OTOG: variants seen among roughly 807,000 people sequenced by gnomAD.
The protein encoded by OTOG is otogelin.
Under a neutral mutation model 313.8 loss-of-function variants are expected in OTOG, and 296 were observed. That is an observed-to-expected ratio of 0.94 (90% CI 0.86 to 1.04). The LOEUF (loss-of-function observed/expected upper bound fraction) is 1.04. Among genes scored for constraint, OTOG ranks in the 50% least tolerant of loss-of-function variants. OTOG has a pLI of 0.00. For synonymous variants in OTOG, 1,533 were observed against 1,554.9 expected (o/e 0.99, Z 0.33); for missense variants, 3,948 against 3,840.1 (o/e 1.03, Z -0.74).
chr11:17,634,049 C>A lies in OTOG; in HGVS notation c.7268-20C>A. On this transcript the variant is annotated intron_variant, in intron 43 of 55. Coordinates refer to ENST00000399397, the MANE Select transcript of OTOG (RefSeq NM_001292063.2). The stretch of plus-strand genomic sequence containing the variant: ...GCTCACCTTCCTCAGTCCCTCGCAC[C>A]CTGCCATTCCCCTCTGCAGCCTGCA... 1 of 1,537,016 alleles carries A rather than the reference C, an allele frequency of 6.5e-7. No individual in the cohort carries two copies. The highest frequency in any genetic ancestry group is 1.2e-5 in the South Asian group (1 of 83,816).
rs141458882 is a variant in OTOG at position 17,574,253 on chromosome 11, G to A, written c.2294-467G>A. ...ACAAAGGGAGCAAAACAGGCTGCTA[G>A]AGGGAGCACAGTTGATATCCACAAC... On this transcript the variant is annotated intron_variant, in intron 19 of 55. Coordinates refer to ENST00000399397, the MANE Select transcript of OTOG (RefSeq NM_001292063.2). Among the ~76,000 whole-genome samples, 345 of 152,346 alleles carry A rather than the reference G, an allele frequency of 2.3e-3. 1 individual carries two copies. The highest frequency in any genetic ancestry group is 7.2e-3 in the African/African-American group (298 of 41,584).
In OTOG at chr11:17,548,139, G is replaced by T. The variant is rs749974438; in HGVS notation, c.156-13G>T. 3 of 1,545,698 alleles carry T rather than the reference G, an allele frequency of 1.9e-6. No individual in the cohort carries two copies. The highest frequency in any genetic ancestry group is 2.6e-6 in the Non-Finnish European group (3 of 1,144,102). ...CTAGCCCCCCATCCATGCCAGACTC[G>T]TGTTTCCTCCAGCAGCAGCCACCAG... On this transcript the variant is annotated splice_polypyrimidine_tract_variant and intron_variant, in intron 2 of 55. Transcript: ENST00000399397.
At position 17,576,650 on chromosome 11, in the gene OTOG, G is replaced by A; in HGVS notation, c.2561+20G>A. On this transcript the variant is annotated intron_variant, in intron 21 of 55. Coordinates refer to ENST00000399397, the MANE Select transcript of OTOG (RefSeq NM_001292063.2). Reference sequence around the variant, plus strand: ...CCACTGGTGAGCTCCGTAGGTAGCAGCCTTCTTGTCCTCTCTTTAAAGGGA... The same window carrying A: ...CCACTGGTGAGCTCCGTAGGTAGCAACCTTCTTGTCCTCTCTTTAAAGGGA... The A allele has an allele frequency of 2.6e-6, 4 of 1,537,956 alleles. No homozygotes were observed. Among genetic ancestry groups the A allele is most frequent in the Non-Finnish European group, 3.5e-6 (4 of 1,135,442 alleles).
chr11:17,635,562 C>T (rs912013016), intron 46 of OTOG, 48 bp from the exon 47 acceptor site: 6 of 1,444,296 alleles, frequency 4.2e-6, no homozygotes, highest in African/African-American at 1.4e-5. Context: ...GTGTGCCAGG[C>T]CCCTATGAGA....
intron 30 of OTOG, among the ~76,000 whole-genome samples, chr11:17,598,462 T>C (rs1440869761): frequency 6.6e-6 from 1 of 152,226 alleles, no homozygotes; most frequent in Non-Finnish European, 1.5e-5. Context: ...TTTAAAAATA[T>C]TGCATTAAGA....
rs542151771 is a variant in OTOG at position 17,645,848 on chromosome 11, G to A, written c.8646G>A (p.Leu2882=). The A allele has an allele frequency of 8.1e-4, 1,255 of 1,550,798 alleles. 5 individuals carry two copies. Among genetic ancestry groups the A allele is most frequent in the Middle Eastern group, 2.3e-3 (14 of 6,014 alleles). ...RFCKCCREVG[L]QRRSVQLFCA... is the part of the protein sequence containing the mutation. ...GCAAGTGCTGCCGTGAGGTGGGCCT[G>A]CAGCGGCGCTCTGTGCAGCTCTTCT... Residue 2882 remains leucine, a synonymous_variant, in exon 56 of 56, where the codon CTG becomes CTA. Transcript: ENST00000399397.
chr11:17,606,307 T>A (rs529235151), intron 33 of OTOG, among the ~76,000 whole-genome samples, 172 bp downstream of exon 33: 2 of 152,212 alleles, frequency 1.3e-5, no homozygotes, highest in Non-Finnish European at 2.9e-5. Context: ...CCAGCCTCCA[T>A]GTTGACAGCT....
chr11:17,606,328 C>T (rs1389221388), intron 33 of OTOG, among the ~76,000 whole-genome samples, 193 bp downstream of exon 33: 1 of 152,244 alleles, frequency 6.6e-6, no homozygotes, highest in Non-Finnish European at 1.5e-5. Flanking sequence ...TAGGGAGCCA[C>T]GGACAGTGTG....
intron 49 of OTOG, among the ~76,000 whole-genome samples, chr11:17,640,166 C>A (rs1847940570): frequency 6.6e-6 from 1 of 152,098 alleles, no homozygotes; most frequent in Non-Finnish European, 1.5e-5. Flanking sequence ...CTGGGGCTTT[C>A]ATGTGTATTA....
intron 32 of OTOG, among the ~76,000 whole-genome samples, chr11:17,604,891 A>T (rs1402867007): frequency 6.6e-6 from 1 of 152,236 alleles, no homozygotes; most frequent in East Asian, 1.9e-4. Flanking sequence ...ATTAACATGG[A>T]TGAAGCCAGT....
chr11:17,578,376 C>T lies in OTOG; in HGVS notation c.2609C>T (p.Ala870Val), dbSNP rs1318684484. ...CTCCCATCTTCTTCTCTTCCAGCTG[C>T]TGCCTGCCCAGCAGGCCAGGTCTTC... The part of the protein sequence containing the change: ...VMSCDSRAPA[A>V]ACPAGQVFVN... The change falls in exon 23 of 56, where the codon GCT becomes GTT. Residue 870 changes from alanine (A) to valine (V), a missense_variant. Physicochemically the swap from Ala to Val is moderately conservative, Grantham distance 64. Transcript: ENST00000399397. 4 of 1,508,198 alleles carry T rather than the reference C, an allele frequency of 2.7e-6. No individual in the cohort carries two copies. Among genetic ancestry groups the T allele is most frequent in the Non-Finnish European group, 3.5e-6 (4 of 1,128,432 alleles). The allele number at this position is 1,508,198 out of a possible 1,614,324, so 93.4% of individuals were successfully genotyped here. A position where few individuals can be genotyped will look rare whatever the true frequency, so the allele number is the denominator to read the frequency against.
In OTOG at chr11:17,574,841, C is replaced by A. The variant is rs147926214; in HGVS notation, c.2415C>A (p.Asp805Glu). The change falls in exon 20 of 56, where the codon GAC (aspartate) becomes GAA (glutamate). Residue 805 changes from aspartate (D) to glutamate (E), a missense_variant. By Grantham distance (45) the Asp-to-Glu change is conservative. Transcript: ENST00000399397. Reference protein sequence around the residue: ...GVDGGDDLSRDECVEGCACPP... With the variant: ...GVDGGDDLSREECVEGCACPP... ...ATGGTGGCGATGACCTGAGCAGAGACGAGTGTGTGGAGGGCTGTGCCTGCC... is the reference window on the plus strand; with the variant it reads ...ATGGTGGCGATGACCTGAGCAGAGAAGAGTGTGTGGAGGGCTGTGCCTGCC... 9 of 1,549,480 alleles carry A rather than the reference C, an allele frequency of 5.8e-6. No individual in the cohort carries two copies. The highest frequency in any genetic ancestry group is 3.3e-4 in the Middle Eastern group (2 of 6,002).
chr11:17,605,033 G>A (rs16934491), intron 32 of OTOG, among the ~76,000 whole-genome samples: 13,818 of 152,256 alleles, frequency 0.091, 1,192 homozygotes, highest in African/African-American at 0.23. Flanking sequence ...TGTGCCAGGC[G>A]CTTCACACAC....
At position 17,637,088 on chromosome 11, in the gene OTOG, A is replaced by G. The variant is rs551583920; in HGVS notation, c.7796-1363A>G. Among the ~76,000 whole-genome samples the G allele has an allele frequency of 2.0e-5, 3 of 152,358 alleles. No individual in the cohort carries two copies. In the South Asian group the frequency reaches 6.2e-4, roughly 32 times the overall value. ...AAAGTACGAATTCCAAGTAAATGCAAGAAAATGAAAATACCACCTTCCTAC... is the reference window on the plus strand; with the variant it reads ...AAAGTACGAATTCCAAGTAAATGCAGGAAAATGAAAATACCACCTTCCTAC... On this transcript the variant is annotated intron_variant, in intron 47 of 55. Transcript: ENST00000399397.
chr11:17,625,282 GC>G lies in OTOG; in HGVS notation c.6529-3850del, dbSNP rs1239881740. On this transcript the variant is annotated intron_variant, in intron 39 of 55. Coordinates refer to ENST00000399397, the MANE Select transcript of OTOG (RefSeq NM_001292063.2). ...AGGTTTTGTCCATTCAGTGTTGTTGGCTGTGGGTTTGTCATAGACGGCTCTT... is the reference window on the plus strand; with the variant it reads ...AGGTTTTGTCCATTCAGTGTTGTTGGTGTGGGTTTGTCATAGACGGCTCTT... 4.6e-5 allele frequency among the ~76,000 whole-genome samples: 7 copies of G among 152,156 alleles called. 1 individual carries two copies. The highest frequency in any genetic ancestry group is 1.0e-4 in the Non-Finnish European group (7 of 68,032).
intron 53 of OTOG, among the ~76,000 whole-genome samples, chr11:17,642,837 C>G (rs1848003316): frequency 1.3e-5 from 2 of 152,182 alleles, no homozygotes; most frequent in African/African-American, 4.8e-5. Context: ...TACACAGACA[C>G]TCAATGACAC....
chr11:17,589,882 G>A (rs942971691), intron 24 of OTOG, among the ~76,000 whole-genome samples: 1 of 152,104 alleles, frequency 6.6e-6, no homozygotes. Flanking sequence ...TGACACAGTT[G>A]ATCACTTTTC....
chr11:17,606,356 T>C, intron 33 of OTOG, among the ~76,000 whole-genome samples: 1 of 152,254 alleles, frequency 6.6e-6, no homozygotes. Context: ...TCCAGCCAAT[T>C]TCCTGGGTCC....
Position 17,591,801 on chromosome 11 carries a change from A to G in OTOG, c.3006+213A>G, listed in dbSNP as rs734640. On this transcript the variant is annotated intron_variant, in intron 25 of 55. Coordinates refer to ENST00000399397, the MANE Select transcript of OTOG (RefSeq NM_001292063.2). Reference sequence around the variant, plus strand: ...ATACCACACTGCCTGTCTGCTCACCATTATAATCTTGCTCTGTTGGGTCCC... The same window carrying G: ...ATACCACACTGCCTGTCTGCTCACCGTTATAATCTTGCTCTGTTGGGTCCC... 0.34 allele frequency among the ~76,000 whole-genome samples: 51,665 copies of G among 152,054 alleles called. 8,952 individuals carry two copies. The highest frequency in any genetic ancestry group is 0.38 in the African/African-American group (15,581 of 41,438).
Sources: gnomAD v4.1 joint callset for allele counts (sites outside exome capture counted in the v4.1 genomes callset) on GRCh38, gnomAD v4.1.1 for gene constraint, MANE v1.5 for transcripts, NCBI Gene and HGNC (gene_info 2026-07-23, HGNC 2026-07-21) for gene names.